The following ZNF37A variants were observed in gnomAD, a reference collection of about 807,000 sequenced individuals.
ZNF37A encodes zinc finger protein 37a (KOX 21).
In ZNF37A, 10 loss-of-function variants were observed where a neutral mutation model predicts 12.3. That is an observed-to-expected ratio of 0.82 (90% CI 0.50 to 1.38). The LOEUF (loss-of-function observed/expected upper bound fraction) is 1.38. Among genes scored for constraint, ZNF37A ranks in the 40% most tolerant of loss-of-function variants. The probability of loss-of-function intolerance (pLI) is 0.00; values close to 1 mark genes in which losing one functional copy is unlikely to be tolerated. For synonymous variants in ZNF37A, 207 were observed against 223.0 expected (o/e 0.93, Z 0.64); for missense variants, 580 against 651.2 (o/e 0.89, Z 1.19).
At chr10:38,144,362 A>T (rs2070225676) in intron 7 of ZNF37A, 1 of 152,210 alleles carries the variant, frequency 6.6e-6, no homozygotes, top group African/African-American at 2.4e-5. Context: ...TGTTTTAAAA[A>T]ATCACATACT....
chr10:38,130,483 CAG>C (rs2070008086), downstream of ZNF37A, among the ~76,000 whole-genome samples: 4 of 152,050 alleles, frequency 2.6e-5, no homozygotes, highest in South Asian at 8.3e-4. Context: ...TTTTTTGAGA[CAG>C]AGTCTTGCTC....
Position 38,118,953 on chromosome 10 carries a change from G to C in ZNF37A, c.*116G>C. On this transcript the variant is annotated 3_prime_UTR_variant, in exon 8 of 8. Coordinates refer to ENST00000685332, the MANE Select transcript of ZNF37A (RefSeq NM_001324250.3). ...CTCACAGTATAGAAGAGAACTTAAA[G>C]AGGGAAAAAACAATATGAAGATAGG... The C allele has an allele frequency of 7.4e-7, 1 of 1,345,722 alleles. No homozygotes were observed. 83.4% of individuals were successfully genotyped at this position (1,345,722 alleles called of 1,614,324 possible).
chr10:38,108,058 T>C (rs1019138456), intron 5 of ZNF37A, among the ~76,000 whole-genome samples: 2 of 152,162 alleles, frequency 1.3e-5, no homozygotes, highest in African/African-American at 4.8e-5. Flanking sequence ...TAGATTCTTC[T>C]CAGCACCACA....
intron 7 of ZNF37A, chr10:38,140,889 G>GT (rs1282745077): frequency 6.6e-6 from 1 of 152,168 alleles, no homozygotes; most frequent in Non-Finnish European, 1.5e-5. Flanking sequence ...ATAAAGAGAC[G>GT]TGAGTCCATA....
At chr10:38,112,793 T>TCTGG (rs1564932610) in intron 5 of ZNF37A, among the ~76,000 whole-genome samples, 4 of 48,784 alleles carry the variant, frequency 8.2e-5, no homozygotes, top group Non-Finnish European at 4.4e-5. Context: ...TTCTTTTCTT[T>TCTGG]TCTTGTCTTG....
At chr10:38,112,763 T>TCATGG (rs1564932137) in intron 5 of ZNF37A, among the ~76,000 whole-genome samples, 2 of 63,748 alleles carry the variant, frequency 3.1e-5, no homozygotes, top group Non-Finnish European at 6.9e-5. Flanking sequence ...TTCTTTTCTT[T>TCATGG]TCTTTTCTTT....
At chr10:38,130,414 A>G (rs1406159364), downstream of ZNF37A, among the ~76,000 whole-genome samples, 10 of 152,288 alleles carry the variant, frequency 6.6e-5, no homozygotes, top group Non-Finnish European at 1.2e-4. Context: ...GCTGGGTTAC[A>G]TGGCACTTTT....
At chr10:38,145,106 T>A (rs1209976165) in intron 7 of ZNF37A, among the ~76,000 whole-genome samples, 1 of 152,202 alleles carries the variant, frequency 6.6e-6, no homozygotes, top group African/African-American at 2.4e-5. Context: ...GGGGCAGTTT[T>A]GAACGGCTTG....
intron 5 of ZNF37A, among the ~76,000 whole-genome samples, chr10:38,101,830 T>C (rs950240130): frequency 6.7e-6 from 1 of 148,558 alleles, no homozygotes. Flanking sequence ...TTTCTTTTTT[T>C]TTTTTTTTTT....
At chr10:38,116,901 G>A (rs2069310677) in intron 7 of ZNF37A, among the ~76,000 whole-genome samples, 1 of 152,174 alleles carries the variant, frequency 6.6e-6, no homozygotes, top group South Asian at 2.1e-4. Context: ...TTGAGGCTAG[G>A]AGTTCAAGAC....
chr10:38,135,846 T>G (rs1369421130), intron 7 of ZNF37A, among the ~76,000 whole-genome samples: 3 of 152,264 alleles, frequency 2.0e-5, no homozygotes, highest in Middle Eastern at 6.8e-3. Flanking sequence ...ACCACCCTCA[T>G]GATTCAATTA....
chr10:38,099,555 T>G (rs1164259046), intron 5 of ZNF37A, among the ~76,000 whole-genome samples: 1 of 151,166 alleles, frequency 6.6e-6, no homozygotes, highest in Non-Finnish European at 1.5e-5. Flanking sequence ...TTTTAACTGT[T>G]GTGAATAATG....
intron 7 of ZNF37A, among the ~76,000 whole-genome samples, chr10:38,116,900 G>T (rs1296851374): frequency 6.6e-6 from 1 of 152,212 alleles, no homozygotes; most frequent in Non-Finnish European, 1.5e-5. Context: ...TTTGAGGCTA[G>T]GAGTTCAAGA....
At chr10:38,099,937 T>C (rs2472182) in intron 5 of ZNF37A, among the ~76,000 whole-genome samples, 62,442 of 152,074 alleles carry the variant, frequency 0.41, 13,020 homozygotes, top group East Asian at 0.5. Flanking sequence ...TGAAATGTAT[T>C]GGGGAACCTG....
chr10:38,102,274 T>C (rs897716135), intron 5 of ZNF37A, among the ~76,000 whole-genome samples: 2 of 152,226 alleles, frequency 1.3e-5, no homozygotes, highest in Admixed American at 6.5e-5. Context: ...TTTCTGTGTA[T>C]GCCTTCTTTT....
At chr10:38,109,724 A>G (rs1167732052) in intron 5 of ZNF37A, among the ~76,000 whole-genome samples, 7 of 152,222 alleles carry the variant, frequency 4.6e-5, no homozygotes, top group Non-Finnish European at 8.8e-5. Context: ...CCAAATCATG[A>G]GTTAATTCCC....
At chr10:38,105,066 C>G (rs2067946488) in intron 5 of ZNF37A, among the ~76,000 whole-genome samples, 1 of 149,918 alleles carries the variant, frequency 6.7e-6, no homozygotes, top group South Asian at 2.1e-4. Context: ...AATGCAATGG[C>G]ATGATCTCAG....
chr10:38,125,215 T>G (rs1162608630), downstream of ZNF37A: 5 of 152,188 alleles, frequency 3.3e-5, no homozygotes, highest in Non-Finnish European at 1.5e-5. Flanking sequence ...AAATTAGATT[T>G]TGTTAAATTC....
At chr10:38,149,592 TGAGA>T (rs2070301024) in exon 8 of ZNF37A, 1 of 149,192 alleles carries the variant, frequency 6.7e-6, no homozygotes, top group Admixed American at 6.7e-5. Context: ...TTTTTTTTTT[TGAGA>T]GAGAGTCTAG....
Sources: gnomAD v4.1 joint callset for allele counts (sites outside exome capture counted in the v4.1 genomes callset) on GRCh38, gnomAD v4.1.1 for gene constraint, MANE v1.5 for transcripts, NCBI Gene and HGNC (gene_info 2026-07-23, HGNC 2026-07-21) for gene names.